Variants in STK32C observed in about 807,000 individuals in gnomAD.
STK32C encodes serine/threonine kinase 32C.
Under a neutral mutation model 56.5 loss-of-function variants are expected in STK32C, and 31 were observed. That is an observed-to-expected ratio of 0.55 (90% CI 0.41 to 0.74). The LOEUF is 0.74. STK32C is among the 30% of genes least tolerant of loss of function. The pLI is 0.00. For synonymous variants in STK32C, 309 were observed against 289.4 expected (o/e 1.07, Z -0.69); for missense variants, 544 against 676.9 (o/e 0.80, Z 2.18).
chr10:132,250,310 CAGAG>C (rs986639827), intron 1 of STK32C, among the ~76,000 whole-genome samples: 6 of 148,698 alleles, frequency 4.0e-5, no homozygotes, highest in African/African-American at 1.5e-4. Context: ...CAGGTCACTG[CAGAG>C]AGAGGGCAGG....
chr10:132,224,520 G>T lies in STK32C; in HGVS notation c.880C>A (p.Pro294Thr). ...MAYELLRGWR[P>T]YDIHSSNAVE... ...GCGTTGCTGGAGTGGATGTCATAGG[G>T]CCTCTGGAGACAGGGAGGCAGTGCT... Residue 294 changes from proline to threonine, a missense_variant, in exon 8 of 12, where the codon CCC becomes ACC. Physicochemically the swap from Pro to Thr is conservative, Grantham distance 38. Coordinates refer to ENST00000298630, the MANE Select transcript of STK32C (RefSeq NM_173575.4). 3.8e-6 allele frequency: 6 copies of T among 1,592,048 alleles called. No individual in the cohort carries two copies. The highest frequency in any genetic ancestry group is 4.3e-6 in the Non-Finnish European group (5 of 1,170,100).
chr10:132,301,038 C>T (rs1349704911), intron 1 of STK32C, among the ~76,000 whole-genome samples: 4 of 151,814 alleles, frequency 2.6e-5, no homozygotes, highest in Non-Finnish European at 5.9e-5. Flanking sequence ...CGTCCACTAA[C>T]GTGAGCCCAG....
At position 132,331,556 on chromosome 10, in the gene STK32C, T is replaced by A. The variant is rs769663080; in HGVS notation, c.181A>T (p.Ser61Cys). 6 of 1,612,704 alleles carry A rather than the reference T, an allele frequency of 3.7e-6. No homozygotes were observed. The African/African-American group carries it at 8.0e-5, about 22-fold the overall frequency. Reference sequence around the variant, plus strand: ...GAGGCAAGATTTGGGGACAAGCAGCTCCTGTGGGAAGTGGCTCCAGGAAGC... The same window carrying A: ...GAGGCAAGATTTGGGGACAAGCAGCACCTGTGGGAAGTGGCTCCAGGAAGC... Residue 61 changes from serine to cysteine, a missense_variant, in exon 1 of 2, where the codon AGC becomes TGC. Ser to Cys is a moderately radical substitution (Grantham distance 112, BLOSUM62 -1). Transcript: ENST00000368619.
downstream of STK32C, among the ~76,000 whole-genome samples, chr10:132,319,224 C>T (rs1656970654): frequency 6.6e-6 from 1 of 152,242 alleles, no homozygotes; most frequent in Admixed American, 6.5e-5. Context: ...GCTGGGATTA[C>T]AGGCGTGAGC....
At chr10:132,312,713 C>T (rs781044553), upstream of STK32C, among the ~76,000 whole-genome samples, 16 of 152,174 alleles carry the variant, frequency 1.1e-4, no homozygotes, top group African/African-American at 2.2e-4. Context: ...GACAGACCCG[C>T]TCTTGGCCAA....
chr10:132,261,686 G>T (rs1283134782), intron 1 of STK32C, among the ~76,000 whole-genome samples: 1 of 152,136 alleles, frequency 6.6e-6, no homozygotes, highest in Non-Finnish European at 1.5e-5. Context: ...AATTGCTTGA[G>T]CCCGGCAGGC....
intron 1 of STK32C, among the ~76,000 whole-genome samples, chr10:132,305,879 TCA>T (rs1181531081): frequency 6.6e-6 from 1 of 152,014 alleles, no homozygotes; most frequent in African/African-American, 2.4e-5. Context: ...CGGCGGGTGC[TCA>T]GTTTGGGGAT....
chr10:132,212,938 G>A (rs149556672), intron 10 of STK32C, among the ~76,000 whole-genome samples: 60 of 152,360 alleles, frequency 3.9e-4, no homozygotes, highest in African/African-American at 1.4e-3. Context: ...AGAACTGATG[G>A]TGTGTGGGAA....
At chr10:132,244,875 T>TCA (rs1045719872) in intron 2 of STK32C, among the ~76,000 whole-genome samples, 2 of 152,116 alleles carry the variant, frequency 1.3e-5, no homozygotes. Flanking sequence ...CTTCAGCACC[T>TCA]CACCTCGATG....
At chr10:132,308,427 C>A (rs2066151830), upstream of STK32C, among the ~76,000 whole-genome samples, 1 of 152,126 alleles carries the variant, frequency 6.6e-6, no homozygotes, top group South Asian at 2.1e-4. Flanking sequence ...CCGCCCAGTG[C>A]GGGGAGCCCT....
intron 1 of STK32C, among the ~76,000 whole-genome samples, chr10:132,248,551 C>T (rs1028332037): frequency 4.6e-5 from 7 of 152,222 alleles, no homozygotes; most frequent in Admixed American, 1.3e-4. Flanking sequence ...TTGCAGCGGC[C>T]GGTAGAGGCA....
At chr10:132,259,684 C>T (rs1057454749) in intron 1 of STK32C, among the ~76,000 whole-genome samples, 1 of 152,232 alleles carries the variant, frequency 6.6e-6, no homozygotes, top group Non-Finnish European at 1.5e-5. Context: ...CCTGTACAGC[C>T]TGCAGAAGTG....
intron 1 of STK32C, among the ~76,000 whole-genome samples, chr10:132,301,881 G>A (rs1420581370): frequency 6.6e-6 from 1 of 152,214 alleles, no homozygotes; most frequent in Non-Finnish European, 1.5e-5. Flanking sequence ...CCGGGCCAAG[G>A]GACCAGCACC....
At chr10:132,283,115 C>T (rs1384692111) in intron 1 of STK32C, among the ~76,000 whole-genome samples, 2 of 152,242 alleles carry the variant, frequency 1.3e-5, no homozygotes, top group African/African-American at 4.8e-5. Context: ...GAGGCGTGTG[C>T]ACCTCAGGGC....
At chr10:132,248,361 C>T (rs1397741832) in intron 1 of STK32C, among the ~76,000 whole-genome samples, 1 of 152,208 alleles carries the variant, frequency 6.6e-6, no homozygotes, top group Non-Finnish European at 1.5e-5. Flanking sequence ...ACCTCGGAGT[C>T]TGCGGGGCCT....
At chr10:132,286,119 CTG>C (rs2065397802) in intron 1 of STK32C, among the ~76,000 whole-genome samples, 2 of 150,256 alleles carry the variant, frequency 1.3e-5, no homozygotes, top group South Asian at 4.2e-4. Flanking sequence ...GAGCGAGACT[CTG>C]TCTCAAAAAA....
At chr10:132,230,368 G>A (rs1221120587) in intron 2 of STK32C, among the ~76,000 whole-genome samples, 12 of 152,218 alleles carry the variant, frequency 7.9e-5, no homozygotes, top group Non-Finnish European at 1.5e-4. Context: ...GCACACGGCC[G>A]CAGGAGGCCG....
At chr10:132,281,513 A>C (rs7098972) in intron 1 of STK32C, among the ~76,000 whole-genome samples, 65,836 of 152,010 alleles carry the variant, frequency 0.43, 15,392 homozygotes, top group African/African-American at 0.6. Flanking sequence ...GGACCAGTGT[A>C]TTCCAAGCTT....
At chr10:132,218,745 G>A (rs186320118) in intron 10 of STK32C, among the ~76,000 whole-genome samples, 49 of 152,326 alleles carry the variant, frequency 3.2e-4, no homozygotes, top group African/African-American at 1.1e-3. Flanking sequence ...AGACTTGTAT[G>A]TGAATGTTCA....
Sources: gnomAD v4.1 joint callset for allele counts (sites outside exome capture counted in the v4.1 genomes callset) on GRCh38, gnomAD v4.1.1 for gene constraint, MANE v1.5 for transcripts, NCBI Gene and HGNC (gene_info 2026-07-23, HGNC 2026-07-21) for gene names.